Variants in NAV3 observed in about 807,000 individuals in gnomAD.
NAV3 encodes the protein pore membrane and/or filament interacting like protein 1.
Under a neutral mutation model 244.7 loss-of-function variants are expected in NAV3, and 87 were observed. The ratio of observed to expected loss-of-function variants is 0.36; its 90% CI spans 0.30 to 0.42. The LOEUF is 0.42. Ranked by LOEUF, NAV3 falls within the 20% of genes least tolerant of loss-of-function variation. The pLI is 1.00. For missense variants in NAV3, 2,663 were observed against 2,893.3 expected, an observed-to-expected ratio of 0.92 and a Z score of 1.83; for synonymous variants, 1,126 against 1,042.2, an observed-to-expected ratio of 1.08 and a Z score of -1.55.
intron 23 of NAV3, among the ~76,000 whole-genome samples, chr12:78,161,141 G>A (rs1374135541): frequency 6.6e-6 from 1 of 152,038 alleles, no homozygotes; most frequent in Admixed American, 6.6e-5. Flanking sequence ...GGGTAATCTT[G>A]AGCAAGTTTA....
intron 2 of NAV3, among the ~76,000 whole-genome samples, chr12:77,683,552 G>T (rs969916225): frequency 6.6e-6 from 1 of 152,050 alleles, no homozygotes; most frequent in South Asian, 2.1e-4. Context: ...TTATATTTCC[G>T]TGAAAAATGT....
intron 16 of NAV3, among the ~76,000 whole-genome samples, chr12:78,125,807 T>G (rs1955881125): frequency 6.6e-6 from 1 of 152,184 alleles, no homozygotes; most frequent in South Asian, 2.1e-4. Context: ...ACTTTAAATG[T>G]ATTTATTCTA....
intron 2 of NAV3, among the ~76,000 whole-genome samples, chr12:77,712,592 C>T (rs965619767): frequency 6.6e-6 from 1 of 152,130 alleles, no homozygotes; most frequent in Non-Finnish European, 1.5e-5. Context: ...TTTATAGTGA[C>T]CATAGTGACC....
In NAV3 at chr12:77,868,212, C is replaced by T. The variant is rs577685498; in HGVS notation, c.243+36508C>T. ...ATATGTTCCTGTATATAAAAATGGG[C>T]CCTCCTAAAACAACAACAACAACAA... On this transcript the variant is annotated intron_variant, in intron 1 of 39. Transcript: ENST00000397909. Among the ~76,000 whole-genome samples the T allele has an allele frequency of 3.8e-5, 5 of 132,746 alleles. No individual in the cohort carries two copies. In the Admixed American group the frequency reaches 4.0e-4, roughly 11 times the overall value. 87.1% of individuals were successfully genotyped at this position (132,746 alleles called of 152,430 possible).
intron 2 of NAV3, among the ~76,000 whole-genome samples, chr12:77,657,687 A>G (rs1239319101): frequency 2.0e-5 from 3 of 152,226 alleles, no homozygotes; most frequent in Non-Finnish European, 4.4e-5. Flanking sequence ...TCCTTGATGA[A>G]CATTGATGCA....
intron 28 of NAV3, among the ~76,000 whole-genome samples, chr12:78,179,148 A>T (rs1958389009): frequency 6.6e-6 from 1 of 152,120 alleles, no homozygotes; most frequent in Non-Finnish European, 1.5e-5. Context: ...AACTGCTCTT[A>T]TAAAAGAATA....
chr12:77,858,829 G>C (rs533835029), intron 1 of NAV3, among the ~76,000 whole-genome samples: 99 of 152,160 alleles, frequency 6.5e-4, no homozygotes, highest in African/African-American at 2.2e-3. Flanking sequence ...AAAAGCCCAA[G>C]CCAAACAAAA....
chr12:77,896,608 A>T (rs1305278957), intron 1 of NAV3, among the ~76,000 whole-genome samples: 1 of 152,194 alleles, frequency 6.6e-6, no homozygotes, highest in Non-Finnish European at 1.5e-5. Flanking sequence ...TCTACTAAAC[A>T]AATGAACATA....
intron 1 of NAV3, among the ~76,000 whole-genome samples, chr12:77,922,515 C>G (rs924258678): frequency 6.6e-6 from 1 of 152,128 alleles, no homozygotes; most frequent in Non-Finnish European, 1.5e-5. Flanking sequence ...TGTTATCCTA[C>G]AGAGGTGTTG....
chr12:77,755,164 T>A (rs1413540007), intron 2 of NAV3, among the ~76,000 whole-genome samples: 1 of 152,200 alleles, frequency 6.6e-6, no homozygotes, highest in African/African-American at 2.4e-5. Context: ...TTTTCATTTG[T>A]TCCTGAAACC....
At chr12:78,110,928 A>T (rs1426770365) in intron 12 of NAV3, among the ~76,000 whole-genome samples, 1 of 152,082 alleles carries the variant, frequency 6.6e-6, no homozygotes, top group Non-Finnish European at 1.5e-5. Flanking sequence ...CAAAAAGATA[A>T]ATATCACATG....
chr12:77,800,986 A>G (rs1007661406), intron 2 of NAV3, among the ~76,000 whole-genome samples: 2 of 152,132 alleles, frequency 1.3e-5, no homozygotes, highest in South Asian at 2.1e-4. Context: ...TATCACAACC[A>G]TATTTTCTCC....
chr12:78,059,489 A>G (rs762007917), intron 12 of NAV3, among the ~76,000 whole-genome samples: 2 of 152,090 alleles, frequency 1.3e-5, no homozygotes, highest in Admixed American at 1.3e-4. Flanking sequence ...GAGTTTTACC[A>G]TGTTGGTCAG....
At chr12:78,150,505 TTTG>T (rs777236025) in intron 22 of NAV3, among the ~76,000 whole-genome samples, 2 of 65,696 alleles carry the variant, frequency 3.0e-5, no homozygotes, top group African/African-American at 1.1e-4. Flanking sequence ...TGTTTTTGTT[TTTG>T]TTTTTTTTTC....
intron 22 of NAV3, among the ~76,000 whole-genome samples, chr12:78,152,699 T>C (rs908090598): frequency 1.3e-5 from 2 of 152,016 alleles, no homozygotes; most frequent in African/African-American, 4.8e-5. Flanking sequence ...ACACATATTT[T>C]TAACATGCAT....
intron 8 of NAV3, among the ~76,000 whole-genome samples, chr12:78,018,309 G>C (rs1876574182): frequency 6.6e-6 from 1 of 152,132 alleles, no homozygotes; most frequent in African/African-American, 2.4e-5. Context: ...TTTTTAAAAA[G>C]CATGTCTCAG....
At chr12:77,623,346 C>A (rs568439529) in intron 2 of NAV3, among the ~76,000 whole-genome samples, 1 of 152,142 alleles carries the variant, frequency 6.6e-6, no homozygotes, top group Non-Finnish European at 1.5e-5. Flanking sequence ...TAGAGATATA[C>A]TTCTGATTTT....
intron 1 of NAV3, among the ~76,000 whole-genome samples, chr12:77,922,004 G>A (rs1312528175): frequency 1.3e-5 from 2 of 152,128 alleles, no homozygotes; most frequent in South Asian, 4.1e-4. Flanking sequence ...GCTGTATAGG[G>A]TAACCTTTAT....
chr12:78,075,619 T>C (rs932508398), intron 12 of NAV3, among the ~76,000 whole-genome samples: 2 of 152,174 alleles, frequency 1.3e-5, no homozygotes, highest in Non-Finnish European at 2.9e-5. Context: ...TTTTTAAAAT[T>C]TTAGTTTTAA....
Sources: gnomAD v4.1 joint callset for allele counts (sites outside exome capture counted in the v4.1 genomes callset) on GRCh38, gnomAD v4.1.1 for gene constraint, MANE v1.5 for transcripts, NCBI Gene and HGNC (gene_info 2026-07-23, HGNC 2026-07-21) for gene names.